Variants in TAFA2 observed in about 807,000 individuals in gnomAD.
TAFA2 encodes the protein TAFA chemokine like family member 2.
TAFA2 carries 7 observed loss-of-function variants against 18.8 expected under a neutral mutation model. The observed-to-expected ratio is 0.37, with a 90% CI of 0.21 to 0.70. The LOEUF is 0.70. Ranked by LOEUF, TAFA2 falls within the 30% of genes least tolerant of loss-of-function variation. The pLI is 0.53. For missense variants in TAFA2, 122 were observed against 158.1 expected, an observed-to-expected ratio of 0.77 and a Z score of 1.23; for synonymous variants, 60 against 54.2, an observed-to-expected ratio of 1.11 and a Z score of -0.47.
In TAFA2 at chr12:62,097,720, A is replaced by G. The variant is rs749022806; in HGVS notation, c.-2+93539T>C. On this transcript the variant is annotated intron_variant, in intron 1 of 4. Coordinates refer to ENST00000416284, the MANE Select transcript of TAFA2 (RefSeq NM_178539.5). ...ACGTGGACTCCATCTCTTCTCAGTG[A>G]GTTTATTCTGTCTCCTCCAGTCACT... Among the ~76,000 whole-genome samples the G allele has an allele frequency of 2.6e-5, 4 of 152,254 alleles. 1 individual carries two copies. The highest frequency in any genetic ancestry group is 4.4e-5 in the Non-Finnish European group (3 of 68,020).
intron 1 of TAFA2, among the ~76,000 whole-genome samples, chr12:62,256,103 T>C (rs1183190180): frequency 6.6e-6 from 1 of 152,000 alleles, no homozygotes; most frequent in East Asian, 1.9e-4. Context: ...ACCCTGTCTC[T>C]ACTAAAAATA....
Position 62,179,663 on chromosome 12 carries a change from C to T in TAFA2, c.-2+11596G>A, listed in dbSNP as rs12303693. 9.4e-3 allele frequency among the ~76,000 whole-genome samples: 1,435 copies of T among 152,244 alleles called. 24 individuals carry two copies. Among genetic ancestry groups the T allele is most frequent in the African/African-American group, 0.033 (1,365 of 41,560 alleles). On this transcript the variant is annotated intron_variant, in intron 1 of 4. Transcript: ENST00000416284. ...ACTTCAGTGCATTGCCATTTTACCT[C>T]TTTGTTCCCCAAGAATTTCAATGGA...
intron 1 of TAFA2, chr12:62,022,238 T>A (rs1305553182): frequency 3.9e-6 from 1 of 258,894 alleles, no homozygotes; most frequent in Non-Finnish European, 7.8e-6. Flanking sequence ...GAGCCTTACA[T>A]GTCCTGCTAA....
At chr12:62,089,888 C>T (rs548506147) in intron 1 of TAFA2, among the ~76,000 whole-genome samples, 16 of 152,130 alleles carry the variant, frequency 1.1e-4, no homozygotes, top group African/African-American at 3.9e-4. Flanking sequence ...TGCTTTAGTC[C>T]CTTAACAGAG....
chr12:61,718,251 G>A (rs913059678), intron 4 of TAFA2, among the ~76,000 whole-genome samples: 1 of 152,150 alleles, frequency 6.6e-6, no homozygotes, highest in Non-Finnish European at 1.5e-5. Flanking sequence ...ACTATTCTAT[G>A]TGACTCATGG....
In TAFA2 at chr12:62,004,066, G is replaced by A. The variant is rs542851067; in HGVS notation, c.-1-136640C>T. On this transcript the variant is annotated intron_variant, in intron 1 of 4. Transcript: ENST00000416284. ...AATCACTTTTGGTTTATAGTTATCT[G>A]AAATATTATATATTATAAATGAATA... 2.7e-4 allele frequency among the ~76,000 whole-genome samples: 41 copies of A among 152,130 alleles called. 1 individual carries two copies. In the South Asian group the frequency reaches 8.3e-3, roughly 31 times the overall value.
chr12:61,919,873 G>C (rs1247790930), intron 1 of TAFA2, among the ~76,000 whole-genome samples: 1 of 152,078 alleles, frequency 6.6e-6, no homozygotes, highest in African/African-American at 2.4e-5. Context: ...ACCAAAAACA[G>C]TAAGTTCTGA....
At chr12:62,247,934 G>C (rs952639857) in intron 1 of TAFA2, among the ~76,000 whole-genome samples, 2 of 152,068 alleles carry the variant, frequency 1.3e-5, no homozygotes, top group Non-Finnish European at 2.9e-5. Context: ...TTGAGTTTTT[G>C]AGTTTTTGTT....
chr12:62,072,240 G>T (rs1335062204), intron 1 of TAFA2, among the ~76,000 whole-genome samples: 5 of 151,228 alleles, frequency 3.3e-5, no homozygotes, highest in Admixed American at 3.3e-4. Flanking sequence ...CGAGGCGGGC[G>T]GATCACAAGG....
At chr12:61,720,192 A>G (rs939939836) in intron 4 of TAFA2, among the ~76,000 whole-genome samples, 2 of 152,186 alleles carry the variant, frequency 1.3e-5, no homozygotes, top group African/African-American at 2.4e-5. Context: ...GTATGAAATA[A>G]TATTCAATTA....
intron 1 of TAFA2, among the ~76,000 whole-genome samples, chr12:62,120,134 C>A (rs574833065): frequency 5.9e-5 from 9 of 151,920 alleles, no homozygotes; most frequent in South Asian, 2.1e-4. Context: ...TATTAAACAT[C>A]TACTATGAGA....
chr12:61,925,778 C>G (rs146487623), intron 1 of TAFA2, among the ~76,000 whole-genome samples: 14,458 of 152,084 alleles, frequency 0.095, 928 homozygotes, highest in East Asian at 0.29. Flanking sequence ...ACCCTAACAT[C>G]ACAATTAAAA....
At chr12:62,155,808 G>A (rs1008056712) in intron 1 of TAFA2, among the ~76,000 whole-genome samples, 2 of 152,178 alleles carry the variant, frequency 1.3e-5, no homozygotes, top group Non-Finnish European at 2.9e-5. Flanking sequence ...ATGGATTAAG[G>A]ATTTAAAACT....
intron 2 of TAFA2, among the ~76,000 whole-genome samples, chr12:61,809,856 T>G (rs12313373): frequency 0.026 from 3,898 of 151,292 alleles, 356 homozygotes; most frequent in African/African-American, 0.091. Context: ...AAGGGAAATC[T>G]CAATACCTCC....
chr12:62,077,040 G>T lies in TAFA2; in HGVS notation c.-2+114219C>A, dbSNP rs143432452. Among the ~76,000 whole-genome samples the T allele has an allele frequency of 7.1e-3, 1,085 of 152,220 alleles. 6 individuals are homozygous for T. The highest frequency in any genetic ancestry group is 0.011 in the Non-Finnish European group (730 of 68,006). On this transcript the variant is annotated intron_variant, in intron 1 of 4. Transcript: ENST00000416284. ...ACTTTCTGATATGTTCAATATAAAT[G>T]AAAATATTGCAAATTCTTCTAATCC...
intron 1 of TAFA2, among the ~76,000 whole-genome samples, chr12:62,094,385 G>A (rs1456062238): frequency 1.3e-5 from 2 of 151,952 alleles, no homozygotes; most frequent in African/African-American, 4.8e-5. Context: ...TGGGTAGACT[G>A]TACACTGCTC....
chr12:61,828,681 C>A (rs1872610211), intron 2 of TAFA2, among the ~76,000 whole-genome samples: 2 of 151,686 alleles, frequency 1.3e-5, no homozygotes, highest in Admixed American at 1.3e-4. Context: ...TTATTTTTGA[C>A]CAATTTTTGA....
intron 1 of TAFA2, chr12:62,021,488 T>TAA: frequency 1.8e-6 from 1 of 549,110 alleles, no homozygotes; most frequent in Non-Finnish European, 3.3e-6. Context: ...TTTTTTTTTC[T>TAA]GTCTTTGTAC....
intron 1 of TAFA2, among the ~76,000 whole-genome samples, chr12:61,895,232 A>G (rs952378945): frequency 6.6e-6 from 1 of 152,174 alleles, no homozygotes; most frequent in Non-Finnish European, 1.5e-5. Flanking sequence ...AGAATCATAA[A>G]TATATGTTTT....
Sources: gnomAD v4.1 joint callset for allele counts (sites outside exome capture counted in the v4.1 genomes callset) on GRCh38, gnomAD v4.1.1 for gene constraint, MANE v1.5 for transcripts, NCBI Gene and HGNC (gene_info 2026-07-23, HGNC 2026-07-21) for gene names.